The following PARD3B variants were observed in gnomAD, a reference collection of about 807,000 sequenced individuals.
The protein encoded by PARD3B is par-3 family cell polarity regulator beta.
In PARD3B, 103 loss-of-function variants were observed where a neutral mutation model predicts 130.2. That is an observed-to-expected ratio of 0.79 (90% confidence interval 0.67 to 0.93). PARD3B has a LOEUF of 0.93. Among genes scored for constraint, PARD3B ranks in the 40% least tolerant of loss-of-function variants. The probability of loss-of-function intolerance (pLI) is 0.00; values close to 1 mark genes in which losing one functional copy is unlikely to be tolerated. For synonymous variants in PARD3B, 583 were observed against 553.2 expected (o/e 1.05, Z -0.76); for missense variants, 1,609 against 1,499.2 (o/e 1.07, Z -1.21).
chr2:205,516,643 G>C (rs1415851180), intron 21 of PARD3B, among the ~76,000 whole-genome samples: 1 of 152,142 alleles, frequency 6.6e-6, no homozygotes, highest in Non-Finnish European at 1.5e-5. Flanking sequence ...CTTTGCTGCA[G>C]TTTATCAGCT....
At chr2:204,937,478 T>C (rs1366016911) in intron 2 of PARD3B, among the ~76,000 whole-genome samples, 2 of 152,236 alleles carry the variant, frequency 1.3e-5, no homozygotes, top group African/African-American at 4.8e-5. Flanking sequence ...TGTGACATTA[T>C]GTTGTGTGTT....
chr2:205,079,376 T>G (rs1390145864), intron 4 of PARD3B, among the ~76,000 whole-genome samples: 1 of 152,196 alleles, frequency 6.6e-6, no homozygotes, highest in African/African-American at 2.4e-5. Context: ...GCAGGAAGTC[T>G]AAGATAAGGC....
intron 4 of PARD3B, among the ~76,000 whole-genome samples, chr2:205,079,219 G>A (rs1701254402): frequency 6.6e-6 from 1 of 152,188 alleles, no homozygotes; most frequent in African/African-American, 2.4e-5. Flanking sequence ...AGATAACCAT[G>A]ATTTAAATAA....
intron 15 of PARD3B, among the ~76,000 whole-genome samples, chr2:205,234,318 T>C (rs2038969989): frequency 6.6e-6 from 1 of 152,126 alleles, no homozygotes; most frequent in Non-Finnish European, 1.5e-5. Context: ...AGTCCCACTT[T>C]AGAGACACAA....
intron 2 of PARD3B, among the ~76,000 whole-genome samples, chr2:204,719,739 C>T (rs1454275933): frequency 6.6e-6 from 1 of 152,098 alleles, no homozygotes; most frequent in African/African-American, 2.4e-5. Flanking sequence ...CCTTGAATTT[C>T]ATCATGATAT....
chr2:205,173,242 T>C (rs1174011629), intron 12 of PARD3B, among the ~76,000 whole-genome samples: 1 of 152,208 alleles, frequency 6.6e-6, no homozygotes, highest in East Asian at 1.9e-4. Flanking sequence ...CTAGTTTTAA[T>C]AAAGAGTTCA....
intron 2 of PARD3B, among the ~76,000 whole-genome samples, chr2:204,846,701 T>C (rs1034841551): frequency 1.3e-5 from 2 of 150,550 alleles, no homozygotes; most frequent in African/African-American, 4.9e-5. Context: ...CCAGGAGGCT[T>C]CCTATACCTG....
At chr2:204,901,816 A>T (rs1434811555) in intron 2 of PARD3B, among the ~76,000 whole-genome samples, 1 of 152,076 alleles carries the variant, frequency 6.6e-6, no homozygotes, top group Non-Finnish European at 1.5e-5. Flanking sequence ...GCAGGTGATG[A>T]ATCCTTCCAG....
rs2039329296 is a variant in PARD3B, at chr2:205,241,018, AATG to A, written c.2141-4755_2141-4753del. Among the ~76,000 whole-genome samples the A allele has an allele frequency of 1.3e-5, 2 of 152,112 alleles. No homozygotes were observed. Among genetic ancestry groups the A allele is most frequent in the South Asian group, 4.2e-4 (2 of 4,818 alleles). ...CCTGTATTTTCTTTCTCTCAATTCT[AATG>A]ATGAACTGGTTGAAATTAAGTGAAA... On this transcript the variant is annotated intron_variant, in intron 15 of 22. Coordinates refer to ENST00000406610, the MANE Select transcript of PARD3B (RefSeq NM_001302769.2). This position sits in a 1 kb window ranked among gnomAD's most constrained non-coding sequence, Gnocchi z 4.2.
intron 2 of PARD3B, among the ~76,000 whole-genome samples, chr2:204,807,719 G>A (rs2042824187): frequency 6.6e-6 from 1 of 152,066 alleles, no homozygotes; most frequent in African/African-American, 2.4e-5. Flanking sequence ...TGTGTTAAGT[G>A]AAATAAGCCA....
intron 15 of PARD3B, among the ~76,000 whole-genome samples, chr2:205,223,486 C>G (rs964593838): frequency 1.3e-5 from 2 of 152,162 alleles, no homozygotes; most frequent in Non-Finnish European, 2.9e-5. Flanking sequence ...GAAGACCTGA[C>G]GGCTGACTGG....
chr2:204,586,672 A>G (rs113702015), intron 1 of PARD3B, among the ~76,000 whole-genome samples: 5 of 152,328 alleles, frequency 3.3e-5, no homozygotes, highest in Admixed American at 6.5e-5. Flanking sequence ...CCATAAATCT[A>G]CTACTTTCCA....
At chr2:205,535,442 T>C (rs2051806346) in intron 21 of PARD3B, among the ~76,000 whole-genome samples, 1 of 152,224 alleles carries the variant, frequency 6.6e-6, no homozygotes, top group Non-Finnish European at 1.5e-5. Flanking sequence ...AACTCTGTTA[T>C]GGGATACACA....
At chr2:205,115,035 G>C (rs1392249081) in intron 6 of PARD3B, among the ~76,000 whole-genome samples, 1 of 152,056 alleles carries the variant, frequency 6.6e-6, no homozygotes, top group Non-Finnish European at 1.5e-5. Context: ...AAATGACCAG[G>C]CTCTTTAGTT....
At chr2:204,999,681 A>G (rs1003879476) in intron 3 of PARD3B, among the ~76,000 whole-genome samples, 5 of 152,212 alleles carry the variant, frequency 3.3e-5, no homozygotes, top group Non-Finnish European at 7.3e-5. Context: ...TAATATTCAC[A>G]AGGAGCCTAT....
intron 5 of PARD3B, among the ~76,000 whole-genome samples, chr2:205,109,653 T>G (rs1199285251): frequency 2.1e-5 from 3 of 141,776 alleles, no homozygotes; most frequent in African/African-American, 7.9e-5. Flanking sequence ...ACCTAATCTT[T>G]TTTTTTTTTT....
chr2:204,870,333 A>T (rs933383569), intron 2 of PARD3B, among the ~76,000 whole-genome samples: 1 of 152,170 alleles, frequency 6.6e-6, no homozygotes, highest in Admixed American at 6.6e-5. Context: ...AGCTGAAGTT[A>T]AAAAAATGAT....
intron 3 of PARD3B, among the ~76,000 whole-genome samples, chr2:204,977,962 A>G (rs1393908076): frequency 6.6e-6 from 1 of 152,196 alleles, no homozygotes; most frequent in East Asian, 1.9e-4. Flanking sequence ...TATGGATGGC[A>G]AGTGCAGCCA....
At chr2:204,895,722 C>T (rs2046618801) in intron 2 of PARD3B, among the ~76,000 whole-genome samples, 1 of 152,074 alleles carries the variant, frequency 6.6e-6, no homozygotes, top group Admixed American at 6.5e-5. Flanking sequence ...ATTCAGATTC[C>T]ATGTACATAT....
Sources: gnomAD v4.1 joint callset for allele counts (sites outside exome capture counted in the v4.1 genomes callset) on GRCh38, gnomAD v4.1.1 for gene constraint, Gnocchi (gnomAD v3.1) non-coding constraint, MANE v1.5 for transcripts, NCBI Gene and HGNC (gene_info 2026-07-23, HGNC 2026-07-21) for gene names.